Variants in CPNE7 observed in about 807,000 individuals in gnomAD.
CPNE7 encodes copine 7, also known as copine-7.
A neutral mutation model predicts 66.5 loss-of-function variants in CPNE7; 78 were observed. The ratio of observed to expected loss-of-function variants is 1.17; its 90% CI spans 0.98 to 1.42. CPNE7 has a LOEUF of 1.42. CPNE7 is among the 40% of genes most tolerant of loss of function. The pLI, the probability that CPNE7 is intolerant of heterozygous loss-of-function variation, is 0.00. For missense variants in CPNE7, 1,012 were observed against 776.6 expected (o/e 1.30, Z -3.60); for synonymous variants, 468 against 336.7 (o/e 1.39, Z -4.27).
In CPNE7 at chr16:89,591,004, C is replaced by A; in HGVS notation, c.1117-3C>A. 1 of 1,613,658 alleles carries A rather than the reference C, an allele frequency of 6.2e-7. No individual in the cohort carries two copies. ...CTGACTGAGCCCTCTTGTTCCCACCCAGGTGTCCCATGACTTTGCCATCAA... is the reference window on the plus strand; with the variant it reads ...CTGACTGAGCCCTCTTGTTCCCACCAAGGTGTCCCATGACTTTGCCATCAA... On this transcript the variant is annotated splice_polypyrimidine_tract_variant and splice_region_variant and intron_variant, in intron 11 of 14. Transcript: ENST00000319518.
intron 13 of CPNE7, among the ~76,000 whole-genome samples, chr16:89,594,887 G>C (rs913869736): frequency 6.6e-6 from 1 of 151,764 alleles, no homozygotes; most frequent in African/African-American, 2.4e-5. Flanking sequence ...CCTGACCTCA[G>C]GTGATCCGCC....
intron 7 of CPNE7, 25 bp from the exon 8 acceptor site, chr16:89,586,645 G>T: frequency 6.3e-7 from 1 of 1,595,614 alleles, no homozygotes; most frequent in South Asian, 1.1e-5. Context: ...CCACTCTGGG[G>T]GGCCTCTGCT....
intron 5 of CPNE7, 131 bp from the exon 6 acceptor site, chr16:89,585,333 G>A (rs951901679): frequency 6.0e-5 from 40 of 666,106 alleles, no homozygotes; most frequent in South Asian, 4.9e-4. Flanking sequence ...GGGCCCCGGC[G>A]CTGTCTGGGG....
In CPNE7 at chr16:89,595,362, C is replaced by G; in HGVS notation, c.1303-5C>G. 6.4e-7 allele frequency: 1 copy of G among 1,557,326 alleles called. No homozygotes were observed. The highest frequency in any genetic ancestry group is 8.7e-7 in the Non-Finnish European group (1 of 1,146,022). ...GTGTTGCTGATGCCTTTCCTGTGCC[C>G]CCAGCAATACTACATCCTGCTGATC... is the stretch of plus-strand genomic sequence containing the variant. On this transcript the variant is annotated splice_region_variant and splice_polypyrimidine_tract_variant and intron_variant, in intron 13 of 14. Coordinates refer to ENST00000319518, the MANE Select transcript of CPNE7 (RefSeq NM_153636.3).
At chr16:89,587,534 C>T in intron 9 of CPNE7, 1 of 453,748 alleles carries the variant, frequency 2.2e-6, no homozygotes, top group Non-Finnish European at 4.4e-6. Flanking sequence ...GGCTTACCTT[C>T]CACAAACACA....
At chr16:89,586,111 G>A (rs777618810) in intron 7 of CPNE7, among the ~76,000 whole-genome samples, 6 of 151,924 alleles carry the variant, frequency 3.9e-5, no homozygotes, top group East Asian at 1.9e-4. Context: ...CCTGGGCTAC[G>A]CCTGTGTTGG....
chr16:89,576,801 G>A (rs2058867772), intron 1 of CPNE7, among the ~76,000 whole-genome samples: 1 of 152,212 alleles, frequency 6.6e-6, no homozygotes, highest in South Asian at 2.1e-4. Context: ...CTCGGGCGGT[G>A]GAAGGGACGC....
intron 3 of CPNE7, 124 bp downstream of exon 3, chr16:89,583,895 C>G: frequency 6.9e-7 from 1 of 1,441,780 alleles, no homozygotes; most frequent in Non-Finnish European, 9.5e-7. Context: ...GGCAGCTACA[C>G]AGCCCCGGGG....
chr16:89,592,306 G>A (rs9708920), intron 13 of CPNE7, among the ~76,000 whole-genome samples: 14,638 of 151,310 alleles, frequency 0.097, 1,109 homozygotes, highest in Admixed American at 0.2. Flanking sequence ...GAGCCGCCGC[G>A]CCCGGCCCAA....
intron 2 of CPNE7, among the ~76,000 whole-genome samples, chr16:89,579,555 G>A (rs1412578633): frequency 6.8e-6 from 1 of 147,740 alleles, no homozygotes; most frequent in African/African-American, 2.5e-5. Context: ...CCATGACACG[G>A]AACATCCCGT....
chr16:89,589,538 C>T (rs535081506), intron 10 of CPNE7, among the ~76,000 whole-genome samples: 30 of 152,266 alleles, frequency 2.0e-4, no homozygotes, highest in African/African-American at 7.0e-4. Flanking sequence ...GCCCTGAGCT[C>T]CCTACCCTAC....
chr16:89,587,049 A>G lies in CPNE7; in HGVS notation c.874A>G (p.Arg292Gly). 6.3e-7 allele frequency: 1 copy of G among 1,580,394 alleles called. No individual in the cohort carries two copies. Among genetic ancestry groups the G allele is most frequent in the Non-Finnish European group, 8.6e-7 (1 of 1,162,976 alleles). The part of the protein sequence containing the change: ...VVVLADLKFH[R>G]VYSFLDYIMG... ...TGACTCCGCCGGCCGGAAGTTCCACAGGGTGTACTCCTTCCTGGACTATAT... is the reference window on the plus strand; with the variant it reads ...TGACTCCGCCGGCCGGAAGTTCCACGGGGTGTACTCCTTCCTGGACTATAT... The change falls in exon 9 of 15, where the codon AGG (arginine) becomes GGG (glycine). Residue 292 changes from arginine (R) to glycine (G), a missense_variant. Transcript: ENST00000319518.
chr16:89,580,300 CCGT>C lies in CPNE7; in HGVS notation c.357+2581_357+2583del, dbSNP rs1347400441. On this transcript the variant is annotated intron_variant, in intron 2 of 14. Transcript: ENST00000319518. ...CATCTCACCCATCACACGGAACATCCCGTCACCCGCTGACACAGAACATCTCAC... is the reference window on the plus strand; with the variant it reads ...CATCTCACCCATCACACGGAACATCCCACCCGCTGACACAGAACATCTCAC... Among the ~76,000 whole-genome samples the C allele has an allele frequency of 3.7e-4, 51 of 138,172 alleles. 1 individual carries two copies. The highest frequency in any genetic ancestry group is 1.4e-3 in the African/African-American group (49 of 35,956). The allele number at this position is 138,172 out of a possible 152,430, so 90.6% of individuals were successfully genotyped here.
rs62068679 is a variant in CPNE7, at chr16:89,588,185, T to A, written c.928-490T>A. ...GTGTCACCCGCGTGTCACCCACAGATACACGGCCCCCGTGTCACCCGCGTG... is the reference window on the plus strand; with the variant it reads ...GTGTCACCCGCGTGTCACCCACAGAAACACGGCCCCCGTGTCACCCGCGTG... On this transcript the variant is annotated intron_variant, in intron 9 of 14. Coordinates refer to ENST00000319518, the MANE Select transcript of CPNE7 (RefSeq NM_153636.3). Among the ~76,000 whole-genome samples, 468 of 79,244 alleles carry A rather than the reference T, an allele frequency of 5.9e-3. 12 individuals carry two copies. Among genetic ancestry groups the A allele is most frequent in the African/African-American group, 0.015 (300 of 20,096 alleles). 52.0% of individuals were successfully genotyped at this position (79,244 alleles called of 152,430 possible).
At chr16:89,576,422 G>A (rs545009557) in intron 1 of CPNE7, among the ~76,000 whole-genome samples, 192 of 152,106 alleles carry the variant, frequency 1.3e-3, no homozygotes, top group African/African-American at 4.6e-3. Flanking sequence ...GAGGCGCAAG[G>A]AGATTGAGGG....
intron 10 of CPNE7, among the ~76,000 whole-genome samples, chr16:89,589,435 C>G (rs938366478): frequency 6.6e-6 from 1 of 152,186 alleles, no homozygotes; most frequent in Non-Finnish European, 1.5e-5. Flanking sequence ...GGCTCACCCG[C>G]GTATGCTTTA....
intron 13 of CPNE7, among the ~76,000 whole-genome samples, chr16:89,594,671 T>G (rs1367445322): frequency 8.1e-6 from 1 of 123,108 alleles, no homozygotes; most frequent in African/African-American, 3.3e-5. Flanking sequence ...TTTTTTTTTT[T>G]GGAGACAGTC....
In CPNE7 at chr16:89,575,778, G is replaced by A; in HGVS notation, c.-120G>A. On this transcript the variant is annotated 5_prime_UTR_variant, in exon 1 of 15. Coordinates refer to ENST00000319518, the MANE Select transcript of CPNE7 (RefSeq NM_153636.3). ...GAGCCACGTGCGCCCGCGCCCGGCAGGCGTTCAGGGAAGCGCGGCCACGCC... is the reference window on the plus strand; with the variant it reads ...GAGCCACGTGCGCCCGCGCCCGGCAAGCGTTCAGGGAAGCGCGGCCACGCC... 5.6e-6 allele frequency: 4 copies of A among 715,156 alleles called. No homozygotes were observed. Among genetic ancestry groups the A allele is most frequent in the Non-Finnish European group, 6.9e-6 (4 of 577,622 alleles). The allele number at this position is 715,156 out of a possible 1,614,324, so 44.3% of individuals were successfully genotyped here.
At chr16:89,589,266 T>C (rs2059134036) in intron 10 of CPNE7, among the ~76,000 whole-genome samples, 4 of 152,142 alleles carry the variant, frequency 2.6e-5, no homozygotes, top group Admixed American at 2.6e-4. Context: ...TACTCAAGCC[T>C]GGGTGACAGA....
Sources: gnomAD v4.1 joint callset for allele counts (sites outside exome capture counted in the v4.1 genomes callset) on GRCh38, gnomAD v4.1.1 for gene constraint, MANE v1.5 for transcripts, NCBI Gene and HGNC (gene_info 2026-07-23, HGNC 2026-07-21) for gene names.